The following SIPA1L1 variants were observed in gnomAD, a reference collection of about 807,000 sequenced individuals.
SIPA1L1 encodes the protein signal induced proliferation associated 1 like 1, also known as signal-induced proliferation-associated 1-like protein 1.
SIPA1L1 carries 26 observed loss-of-function variants against 162.7 expected under a neutral mutation model. That is an observed-to-expected ratio of 0.16 (90% confidence interval 0.12 to 0.22). The LOEUF (loss-of-function observed/expected upper bound fraction) is 0.22, where lower values mean the gene tolerates loss of function less well. SIPA1L1 is among the 10% of genes least tolerant of loss of function. SIPA1L1 has a pLI of 1.00. For synonymous variants in SIPA1L1, 829 were observed against 837.4 expected, an observed-to-expected ratio of 0.99 and a Z score of 0.17; for missense variants, 1,874 against 2,241.0, an observed-to-expected ratio of 0.84 and a Z score of 3.31.
chr14:71,463,503 C>G (rs2046763888), intron 2 of SIPA1L1, among the ~76,000 whole-genome samples: 1 of 152,134 alleles, frequency 6.6e-6, no homozygotes, highest in South Asian at 2.1e-4. Flanking sequence ...TCCTGTAGTC[C>G]CTGAAATGTC....
chr14:71,387,031 C>T (rs994756625), intron 2 of SIPA1L1, among the ~76,000 whole-genome samples: 5 of 151,964 alleles, frequency 3.3e-5, no homozygotes, highest in African/African-American at 1.2e-4. Flanking sequence ...GGCAGATCAC[C>T]TGAGGTCAGG....
At chr14:71,627,645 A>ATATTTCAT (rs1478535838) in intron 7 of SIPA1L1, among the ~76,000 whole-genome samples, 4 of 152,188 alleles carry the variant, frequency 2.6e-5, no homozygotes, top group Non-Finnish European at 5.9e-5. Context: ...AAATAAATAC[A>ATATTTCAT]TATTTCATTT....
chr14:71,345,885 T>C (rs993980106), intron 2 of SIPA1L1, among the ~76,000 whole-genome samples: 15 of 151,256 alleles, frequency 9.9e-5, no homozygotes, highest in African/African-American at 3.4e-4. Flanking sequence ...CTTACTCTTA[T>C]ATGCATCCCT....
intron 2 of SIPA1L1, among the ~76,000 whole-genome samples, chr14:71,438,127 C>G (rs1037089912): frequency 6.6e-6 from 1 of 152,064 alleles, no homozygotes; most frequent in Non-Finnish European, 1.5e-5. Flanking sequence ...GATTCTCTAC[C>G]TTACTTTTTA....
At chr14:71,431,014 A>G (rs888976749) in intron 2 of SIPA1L1, among the ~76,000 whole-genome samples, 1 of 151,986 alleles carries the variant, frequency 6.6e-6, no homozygotes, top group African/African-American at 2.4e-5. Context: ...TATTTAGGGA[A>G]AAAAAACTTC....
intron 3 of SIPA1L1, among the ~76,000 whole-genome samples, chr14:71,524,521 C>T (rs1306429900): frequency 1.3e-5 from 2 of 152,182 alleles, no homozygotes; most frequent in African/African-American, 4.8e-5. Context: ...TTCTCATTCC[C>T]CAGTTCCCAC....
intron 6 of SIPA1L1, among the ~76,000 whole-genome samples, chr14:71,622,318 G>GTGT (rs2039535318): frequency 6.6e-6 from 1 of 152,172 alleles, no homozygotes; most frequent in Non-Finnish European, 1.5e-5. Context: ...TTTAAGCATA[G>GTGT]GAACACGAGG....
chr14:71,558,171 A>G (rs1416506246), intron 4 of SIPA1L1, among the ~76,000 whole-genome samples: 1 of 152,184 alleles, frequency 6.6e-6, no homozygotes, highest in Non-Finnish European at 1.5e-5. Context: ...TATTTTCAGC[A>G]TGTAGAATGA....
chr14:71,487,684 T>C lies in SIPA1L1; in HGVS notation c.-464-25059T>C, dbSNP rs549835305. 2.0e-5 allele frequency among the ~76,000 whole-genome samples: 3 copies of C among 152,306 alleles called. No homozygotes were observed. In the South Asian group the frequency reaches 6.2e-4, roughly 32 times the overall value. ...CTTGGGGACATGAGGAAGTGAGATCTGTGGATCCCAGAGGTAAAGAATGAG... is the reference window on the plus strand; with the variant it reads ...CTTGGGGACATGAGGAAGTGAGATCCGTGGATCCCAGAGGTAAAGAATGAG... On this transcript the variant is annotated intron_variant, in intron 2 of 23. Coordinates refer to ENST00000381232, the MANE Select transcript of SIPA1L1 (RefSeq NM_001386936.1).
rs1396278212 is a variant in SIPA1L1, at chr14:71,578,715, ATCTG to A, written c.-302-8851_-302-8848del. Among the ~76,000 whole-genome samples, 5 of 152,390 alleles carry A rather than the reference ATCTG, an allele frequency of 3.3e-5. No individual in the cohort carries two copies. In the East Asian group the frequency reaches 9.6e-4, roughly 29 times the overall value. On this transcript the variant is annotated intron_variant, in intron 4 of 23. Coordinates refer to ENST00000381232, the MANE Select transcript of SIPA1L1 (RefSeq NM_001386936.1). ...TTTGTCAGTACTGTAAATTTACTTC[ATCTG>A]TCTGACGTGGCAGGCAACTGCAGCT...
At chr14:71,529,597 G>C (rs956873818) in intron 4 of SIPA1L1, among the ~76,000 whole-genome samples, 1 of 152,170 alleles carries the variant, frequency 6.6e-6, no homozygotes, top group Admixed American at 6.5e-5. Context: ...TATTGCTCAG[G>C]CTATTGCCTG....
intron 2 of SIPA1L1, among the ~76,000 whole-genome samples, chr14:71,452,956 A>G (rs528741086): frequency 1.3e-4 from 20 of 152,332 alleles, no homozygotes; most frequent in Middle Eastern, 3.4e-3. Flanking sequence ...TCAAATCTCT[A>G]GACCCTTCTG....
intron 13 of SIPA1L1, among the ~76,000 whole-genome samples, chr14:71,690,834 G>A (rs1038233289): frequency 6.6e-6 from 1 of 152,184 alleles, no homozygotes; most frequent in African/African-American, 2.4e-5. Flanking sequence ...TAGCTGATCT[G>A]TTTTGCCTTG....
At chr14:71,476,619 C>T (rs753429143) in intron 2 of SIPA1L1, among the ~76,000 whole-genome samples, 1 of 151,280 alleles carries the variant, frequency 6.6e-6, no homozygotes, top group African/African-American at 2.4e-5. Context: ...TTTTTTGTGC[C>T]TCCGAATAAC....
At chr14:71,418,708 A>G (rs1283987446) in intron 2 of SIPA1L1, among the ~76,000 whole-genome samples, 7 of 152,166 alleles carry the variant, frequency 4.6e-5, no homozygotes, top group East Asian at 1.9e-4. Context: ...ATGTTTGTCA[A>G]TCCCTCAGCA....
chr14:71,347,708 A>G (rs909763734), intron 2 of SIPA1L1, among the ~76,000 whole-genome samples: 1 of 152,172 alleles, frequency 6.6e-6, no homozygotes, highest in Non-Finnish European at 1.5e-5. Context: ...TTTTGCTGTC[A>G]TAATAGGTGT....
At chr14:71,407,604 C>T (rs976329366) in intron 2 of SIPA1L1, among the ~76,000 whole-genome samples, 1 of 151,816 alleles carries the variant, frequency 6.6e-6, no homozygotes, top group Non-Finnish European at 1.5e-5. Flanking sequence ...ACACCTGGGC[C>T]CCAATGATCC....
chr14:71,475,705 A>G (rs1429089931), intron 2 of SIPA1L1, among the ~76,000 whole-genome samples: 2 of 152,230 alleles, frequency 1.3e-5, no homozygotes, highest in Non-Finnish European at 2.9e-5. Flanking sequence ...TGGTTATTTT[A>G]TGAATTGAAT....
intron 2 of SIPA1L1, among the ~76,000 whole-genome samples, chr14:71,503,553 A>C (rs60597274): frequency 0.022 from 3,380 of 152,286 alleles, 119 homozygotes; most frequent in African/African-American, 0.077. Flanking sequence ...TGATTATGGT[A>C]ATTGCCAAAG....
Sources: gnomAD v4.1 joint callset for allele counts (sites outside exome capture counted in the v4.1 genomes callset) on GRCh38, gnomAD v4.1.1 for gene constraint, MANE v1.5 for transcripts, NCBI Gene and HGNC (gene_info 2026-07-23, HGNC 2026-07-21) for gene names.